Variants in KCNB2 observed in about 807,000 individuals in gnomAD.
KCNB2 encodes potassium voltage-gated channel subfamily B member 2.
A neutral mutation model predicts 61.5 loss-of-function variants in KCNB2; 15 were observed. The observed-to-expected ratio is 0.24, with a 90% confidence interval of 0.16 to 0.38. KCNB2 has a LOEUF of 0.38. Ranked by LOEUF, KCNB2 falls within the 10% of genes least tolerant of loss-of-function variation. KCNB2 has a pLI of 1.00. For missense variants in KCNB2, 828 were observed against 1,125.2 expected, an observed-to-expected ratio of 0.74 and a Z score of 3.78; for synonymous variants, 457 against 446.0, an observed-to-expected ratio of 1.02 and a Z score of -0.31.
chr8:72,613,777 G>A (rs75259725), intron 2 of KCNB2, among the ~76,000 whole-genome samples: 1,967 of 152,316 alleles, frequency 0.013, 44 homozygotes, highest in African/African-American at 0.044. Context: ...GGCACATTGA[G>A]CATTCAATTA....
At chr8:72,900,957 A>C (rs1806080271) in intron 2 of KCNB2, among the ~76,000 whole-genome samples, 1 of 152,360 alleles carries the variant, frequency 6.6e-6, no homozygotes, top group African/African-American at 2.4e-5. Context: ...AGCTTAAAAC[A>C]GAGCTACCAA....
At chr8:72,699,477 T>C (rs1807078457) in intron 2 of KCNB2, among the ~76,000 whole-genome samples, 1 of 151,986 alleles carries the variant, frequency 6.6e-6, no homozygotes, top group Admixed American at 6.6e-5. Context: ...TTAAGTACCC[T>C]GTAGATTCTG....
chr8:72,586,813 C>T (rs1008737409), intron 2 of KCNB2, among the ~76,000 whole-genome samples: 1 of 152,162 alleles, frequency 6.6e-6, no homozygotes, highest in Non-Finnish European at 1.5e-5. Flanking sequence ...AGTCAACAAT[C>T]CAACCACATC....
intron 2 of KCNB2, among the ~76,000 whole-genome samples, chr8:72,881,943 T>C (rs1805713346): frequency 1.3e-5 from 2 of 152,238 alleles, no homozygotes; most frequent in African/African-American, 4.8e-5. Flanking sequence ...TGAAAAGTAC[T>C]TTTTCCAAAA....
chr8:72,789,433 A>G (rs913529565), intron 2 of KCNB2, among the ~76,000 whole-genome samples: 3 of 152,102 alleles, frequency 2.0e-5, no homozygotes. Context: ...GATTATCTAA[A>G]TCTTTTTGAA....
intron 1 of KCNB2, among the ~76,000 whole-genome samples, chr8:72,538,693 A>T (rs1236762574): frequency 2.6e-5 from 4 of 152,184 alleles, no homozygotes; most frequent in Non-Finnish European, 4.4e-5. Flanking sequence ...CAGGTTCAAC[A>T]TTCCTTCTAA....
At chr8:72,715,695 C>T (rs546898867) in intron 2 of KCNB2, among the ~76,000 whole-genome samples, 1 of 151,704 alleles carries the variant, frequency 6.6e-6, no homozygotes, top group Non-Finnish European at 1.5e-5. Context: ...ACTAAGTGCC[C>T]ACAAGAGAAA....
At chr8:72,668,086 T>G (rs1021446513) in intron 2 of KCNB2, among the ~76,000 whole-genome samples, 1 of 152,230 alleles carries the variant, frequency 6.6e-6, no homozygotes, top group Non-Finnish European at 1.5e-5. Context: ...ACACATAGTT[T>G]GGAATGCAGG....
At chr8:72,872,816 C>T (rs1454201791) in intron 2 of KCNB2, among the ~76,000 whole-genome samples, 1 of 152,148 alleles carries the variant, frequency 6.6e-6, no homozygotes, top group Non-Finnish European at 1.5e-5. Flanking sequence ...CTAAAATATC[C>T]TGAGGGGTTA....
intron 2 of KCNB2, among the ~76,000 whole-genome samples, chr8:72,605,937 A>G (rs1805441060): frequency 6.6e-6 from 1 of 152,232 alleles, no homozygotes; most frequent in African/African-American, 2.4e-5. Context: ...AGCAATTGAA[A>G]AAAAAGACAA....
intron 2 of KCNB2, among the ~76,000 whole-genome samples, chr8:72,678,403 T>A (rs1366195029): frequency 6.6e-6 from 1 of 152,202 alleles, no homozygotes; most frequent in Non-Finnish European, 1.5e-5. Flanking sequence ...TCCATGTGAC[T>A]GTTTCTTCAC....
intron 2 of KCNB2, among the ~76,000 whole-genome samples, chr8:72,874,063 G>A (rs1047444214): frequency 6.6e-6 from 1 of 152,232 alleles, no homozygotes; most frequent in African/African-American, 2.4e-5. Context: ...GTAGGCAACT[G>A]TGGACTTACA....
chr8:72,768,164 G>C (rs553227821), intron 2 of KCNB2, among the ~76,000 whole-genome samples: 1 of 151,984 alleles, frequency 6.6e-6, no homozygotes, highest in East Asian at 1.9e-4. Flanking sequence ...CCTATTTTGT[G>C]TGTTGTCTTT....
chr8:72,582,558 G>T (rs1399460691), intron 2 of KCNB2, among the ~76,000 whole-genome samples: 1 of 152,200 alleles, frequency 6.6e-6, no homozygotes, highest in Non-Finnish European at 1.5e-5. Context: ...AGACCTCCAA[G>T]ATAATGTCTT....
chr8:72,907,096 C>T (rs933515030), intron 2 of KCNB2, among the ~76,000 whole-genome samples: 2 of 152,152 alleles, frequency 1.3e-5, no homozygotes, highest in Admixed American at 1.3e-4. Context: ...CGTTGGCGCA[C>T]ACCTGTAATC....
chr8:72,666,652 G>GTTTT (rs35646824), intron 2 of KCNB2, among the ~76,000 whole-genome samples: 1 of 119,208 alleles, frequency 8.4e-6, no homozygotes, highest in Non-Finnish European at 1.8e-5. Flanking sequence ...AAAATAAAAA[G>GTTTT]TTTTTTTTTT....
intron 2 of KCNB2, among the ~76,000 whole-genome samples, chr8:72,782,181 A>G (rs1808769777): frequency 6.6e-6 from 1 of 152,132 alleles, no homozygotes; most frequent in South Asian, 2.1e-4. Flanking sequence ...TTGGTGTGAG[A>G]TGTCATGAAG....
chr8:72,774,906 G>A (rs959048053), intron 2 of KCNB2, among the ~76,000 whole-genome samples: 1 of 152,062 alleles, frequency 6.6e-6, no homozygotes, highest in Non-Finnish European at 1.5e-5. Context: ...GGGCTCCAGA[G>A]ACAGACAGCA....
intron 2 of KCNB2, among the ~76,000 whole-genome samples, chr8:72,910,572 A>G (rs1314223923): frequency 6.6e-6 from 1 of 152,218 alleles, no homozygotes; most frequent in Non-Finnish European, 1.5e-5. Context: ...AGAGGCTTGA[A>G]GAAACTCTAC....
Sources: allele counts gnomAD v4.1 joint callset (sites outside exome capture counted in the v4.1 genomes callset), GRCh38; gene constraint gnomAD v4.1.1; transcripts MANE v1.5; gene names NCBI Gene and HGNC (gene_info 2026-07-23, HGNC 2026-07-21).